The following CREBRF variants were observed in gnomAD, a reference collection of about 807,000 sequenced individuals.
The protein encoded by CREBRF is CREB3 regulatory factor.
CREBRF carries 5 observed loss-of-function variants against 66.1 expected under a neutral mutation model. The ratio of observed to expected loss-of-function variants is 0.08; its 90% CI spans 0.04 to 0.16. The LOEUF (loss-of-function observed/expected upper bound fraction) is 0.16. CREBRF is among the 10% of genes least tolerant of loss of function. The pLI is 1.00. For synonymous variants in CREBRF, 229 were observed against 264.4 expected (o/e 0.87, Z 1.30); for missense variants, 531 against 744.9 (o/e 0.71, Z 3.34).
intron 7 of CREBRF, among the ~76,000 whole-genome samples, chr5:173,113,315 T>C (rs901965206): frequency 2.0e-5 from 3 of 151,410 alleles, no homozygotes; most frequent in East Asian, 2.0e-4. Flanking sequence ...TTTTTTTTTT[T>C]TTCTTCTTTT....
chr5:173,119,786 G>A (rs1759095081), intron 7 of CREBRF, among the ~76,000 whole-genome samples: 5 of 151,988 alleles, frequency 3.3e-5, no homozygotes, highest in Admixed American at 3.3e-4. Flanking sequence ...AAAATTTCCT[G>A]CTATTTCTAG....
At chr5:173,101,302 C>G (rs1372465658) in intron 4 of CREBRF, among the ~76,000 whole-genome samples, 2 of 152,094 alleles carry the variant, frequency 1.3e-5, no homozygotes, top group Admixed American at 1.3e-4. Flanking sequence ...AGCATTTTAC[C>G]TGCCTTGGCC....
intron 4 of CREBRF, among the ~76,000 whole-genome samples, chr5:173,096,433 TTCCCTCCCCTCCCCTCTCCTCCCCTCTCC>T (rs1202992599): frequency 7.7e-5 from 6 of 77,962 alleles, no homozygotes; most frequent in South Asian, 1.1e-3. Context: ...TTCCCTTCCC[TTCCCTCCCCTCCCCTCTCCTCCCCTCTCC>T]TCCCTCCCCT....
intron 3 of CREBRF, among the ~76,000 whole-genome samples, chr5:173,088,714 A>G (rs2113732214): frequency 6.6e-6 from 1 of 152,248 alleles, no homozygotes; most frequent in East Asian, 1.9e-4. Context: ...TTCAGAAGAA[A>G]AACATTTTAA....
At chr5:173,108,591 T>C in intron 4 of CREBRF, 33 bp from the exon 5 acceptor site, 1 of 1,571,912 alleles carries the variant, frequency 6.4e-7, no homozygotes, top group Non-Finnish European at 8.6e-7. Context: ...TTGAAATTTA[T>C]GGAGCTTAAA....
chr5:173,078,459 GTATTTATTATTATTAATGTATAATA>G (rs1174118330), intron 1 of CREBRF, among the ~76,000 whole-genome samples: 3 of 150,342 alleles, frequency 2.0e-5, no homozygotes, highest in Admixed American at 2.0e-4. Flanking sequence ...AAAGGTTTAT[GTATTTATTATTATTAATGTATAATA>G]AATATATATT....
intron 4 of CREBRF, chr5:173,091,642 T>G: frequency 8.4e-7 from 1 of 1,195,574 alleles, no homozygotes; most frequent in South Asian, 3.3e-5. Flanking sequence ...TTATTTTATT[T>G]CTTATTTTTA....
intron 4 of CREBRF, among the ~76,000 whole-genome samples, chr5:173,101,821 T>C (rs1443327803): frequency 6.6e-6 from 1 of 152,202 alleles, no homozygotes; most frequent in Non-Finnish European, 1.5e-5. Context: ...AGTGCTGGGA[T>C]TACAGGTGTG....
intron 7 of CREBRF, among the ~76,000 whole-genome samples, chr5:173,117,240 C>T (rs545865420): frequency 2.0e-5 from 3 of 151,806 alleles, no homozygotes; most frequent in Non-Finnish European, 4.4e-5. Flanking sequence ...ATTAGCCAGG[C>T]TTGGTGGTGA....
intron 4 of CREBRF, among the ~76,000 whole-genome samples, chr5:173,101,229 ATT>A (rs35560424): frequency 2.0e-5 from 3 of 151,134 alleles, no homozygotes; most frequent in African/African-American, 7.3e-5. Flanking sequence ...TAATTTTTGT[ATT>A]TTTTTTGTAG....
Position 173,090,291 on chromosome 5 carries a change from T to C in CREBRF, c.136-24T>C, listed in dbSNP as rs1265825203. 7 of 1,551,640 alleles carry C rather than the reference T, an allele frequency of 4.5e-6. No individual in the cohort carries two copies. The highest frequency in any genetic ancestry group is 2.7e-5 in the African/African-American group (2 of 72,870). Reference sequence around the variant, plus strand: ...TTTCCTTCTGAAATATGATGTGCAATTTCTTTTTTAAAACCTTTCTCAGGA... The same window carrying C: ...TTTCCTTCTGAAATATGATGTGCAACTTCTTTTTTAAAACCTTTCTCAGGA... On this transcript the variant is annotated intron_variant, in intron 3 of 8. Transcript: ENST00000296953. The surrounding 1 kb of genome is among the most constrained non-coding windows in gnomAD (Gnocchi z 4.5).
At chr5:173,080,938 C>T (rs1031963377) in intron 2 of CREBRF, 154 bp downstream of exon 2, 4 of 221,102 alleles carry the variant, frequency 1.8e-5, no homozygotes, top group African/African-American at 4.7e-5. Flanking sequence ...CATGTTCTTC[C>T]TTCCATTGGC....
At chr5:173,058,591 C>T (rs1757150570) in intron 1 of CREBRF, among the ~76,000 whole-genome samples, 1 of 151,406 alleles carries the variant, frequency 6.6e-6, no homozygotes, top group Non-Finnish European at 1.5e-5. Flanking sequence ...TCACGCCATT[C>T]TCCTGCCTCA....
chr5:173,110,078 A>G (rs1357154828), intron 5 of CREBRF: 6 of 226,328 alleles, frequency 2.7e-5, no homozygotes, highest in Non-Finnish European at 5.3e-5. Flanking sequence ...AAAAATGTGT[A>G]TGTCTGACAG....
At position 173,115,887 on chromosome 5, in the gene CREBRF, G is replaced by C. The variant is rs193164520; in HGVS notation, c.1681+3508G>C. Among the ~76,000 whole-genome samples, 348 of 152,326 alleles carry C rather than the reference G, an allele frequency of 2.3e-3. 1 individual carries two copies. The highest frequency in any genetic ancestry group is 6.8e-3 in the Middle Eastern group (2 of 294). ...GGCCTCCCAAAGTGCTGGGATTACAGGCATGAGCCACCGCGCCCGGCCCCT... is the reference window on the plus strand; with the variant it reads ...GGCCTCCCAAAGTGCTGGGATTACACGCATGAGCCACCGCGCCCGGCCCCT... On this transcript the variant is annotated intron_variant, in intron 7 of 8. Transcript: ENST00000296953.
intron 5 of CREBRF, chr5:173,109,944 T>A (rs1051033579): frequency 6.2e-5 from 10 of 160,452 alleles, no homozygotes; most frequent in African/African-American, 2.4e-4. Flanking sequence ...GACAGAGCCA[T>A]CCCTTTTGCC....
intron 2 of CREBRF, chr5:173,086,041 G>A (rs1238509991): frequency 1.1e-5 from 12 of 1,126,038 alleles, no homozygotes; most frequent in Middle Eastern, 2.7e-4. Flanking sequence ...TTGCCCTGCA[G>A]TATCAAAAAT....
chr5:173,096,249 G>A (rs1239809350), intron 4 of CREBRF, among the ~76,000 whole-genome samples: 3 of 152,216 alleles, frequency 2.0e-5, no homozygotes, highest in Non-Finnish European at 4.4e-5. Flanking sequence ...GATTACAGGC[G>A]TGAGCCACTG....
At chr5:173,074,857 G>A (rs992421183) in intron 1 of CREBRF, among the ~76,000 whole-genome samples, 1 of 152,086 alleles carries the variant, frequency 6.6e-6, no homozygotes, top group African/African-American at 2.4e-5. Flanking sequence ...CTGACCTCAC[G>A]TGATCTGCCT....
Sources: gnomAD v4.1 joint callset for allele counts (sites outside exome capture counted in the v4.1 genomes callset) on GRCh38, gnomAD v4.1.1 for gene constraint, Gnocchi (gnomAD v3.1) non-coding constraint, MANE v1.5 for transcripts, NCBI Gene and HGNC (gene_info 2026-07-23, HGNC 2026-07-21) for gene names.